The following ATF6 variants were observed in gnomAD, a reference collection of about 807,000 sequenced individuals.
ATF6 encodes the protein cyclic AMP-dependent transcription factor ATF-6 alpha.
A neutral mutation model predicts 83.6 loss-of-function variants in ATF6; 53 were observed. That is an observed-to-expected ratio of 0.63 (90% CI 0.51 to 0.80). The LOEUF is 0.80. Among genes scored for constraint, ATF6 ranks in the 30% least tolerant of loss-of-function variants. The pLI, the probability that ATF6 is intolerant of heterozygous loss-of-function variation, is 0.00. For synonymous variants in ATF6, 288 were observed against 285.8 expected (o/e 1.01, Z -0.08); for missense variants, 744 against 797.9 (o/e 0.93, Z 0.81).
intron 1 of ATF6, among the ~76,000 whole-genome samples, chr1:161,769,128 C>T (rs1684330696): frequency 6.6e-6 from 1 of 152,178 alleles, no homozygotes; most frequent in African/African-American, 2.4e-5. Context: ...TGCAACTACT[C>T]AAGTCTGCTG....
chr1:161,778,705 G>A (rs1684574787), intron 2 of ATF6, among the ~76,000 whole-genome samples: 1 of 152,092 alleles, frequency 6.6e-6, no homozygotes, highest in South Asian at 2.1e-4. Context: ...GGTAAGTTCT[G>A]CTTGACTAAG....
At chr1:161,909,286 T>G (rs1232203672) in intron 14 of ATF6, among the ~76,000 whole-genome samples, 1 of 152,182 alleles carries the variant, frequency 6.6e-6, no homozygotes. Context: ...CATATCTGCC[T>G]TCTAGCTAGC....
At chr1:161,789,157 T>G (rs1684820750) in intron 4 of ATF6, among the ~76,000 whole-genome samples, 1 of 151,926 alleles carries the variant, frequency 6.6e-6, no homozygotes, top group Admixed American at 6.6e-5. Context: ...AACAATCCAG[T>G]TACATACTTT....
chr1:161,952,049 G>A (rs141536667), intron 15 of ATF6, among the ~76,000 whole-genome samples: 1 of 152,130 alleles, frequency 6.6e-6, no homozygotes, highest in Non-Finnish European at 1.5e-5. Flanking sequence ...AGTTAAAAGT[G>A]CTCTCCCAAT....
chr1:161,815,681 A>G (rs2101776710), intron 7 of ATF6, among the ~76,000 whole-genome samples: 1 of 152,276 alleles, frequency 6.6e-6, no homozygotes, highest in East Asian at 1.9e-4. Context: ...TTAAATTAAA[A>G]CAAGCTGGGC....
intron 7 of ATF6, among the ~76,000 whole-genome samples, chr1:161,810,274 A>C (rs1253611444): frequency 6.6e-6 from 1 of 152,202 alleles, no homozygotes; most frequent in Non-Finnish European, 1.5e-5. Context: ...ACTTACAATC[A>C]TGACTGTGGG....
chr1:161,775,943 A>G (rs763962955), intron 1 of ATF6, among the ~76,000 whole-genome samples: 1 of 152,192 alleles, frequency 6.6e-6, no homozygotes, highest in African/African-American at 2.4e-5. Flanking sequence ...TATGCATAAT[A>G]CAAACATCTG....
intron 7 of ATF6, among the ~76,000 whole-genome samples, chr1:161,810,905 C>A (rs1030122911): frequency 6.6e-6 from 1 of 152,106 alleles, no homozygotes; most frequent in Non-Finnish European, 1.5e-5. Context: ...ATATTTTTTT[C>A]AAGCTTCAGC....
rs571108305 is a variant in ATF6 at position 161,864,061 on chromosome 1, C to T, written c.1719+749C>T. Among the ~76,000 whole-genome samples, 70 of 152,224 alleles carry T rather than the reference C, an allele frequency of 4.6e-4. 2 individuals are homozygous for T. In the South Asian group the frequency reaches 0.014, roughly 31 times the overall value. ...CCTCAGTGGTGGTTTCTATCCCAAG[C>T]TGTTTTTTCTTTCTTTCTCTCTGTT... On this transcript the variant is annotated intron_variant, in intron 14 of 15. Transcript: ENST00000367942.
At chr1:161,887,057 T>C (rs1202913517) in intron 14 of ATF6, among the ~76,000 whole-genome samples, 3 of 152,078 alleles carry the variant, frequency 2.0e-5, no homozygotes, top group Non-Finnish European at 4.4e-5. Flanking sequence ...CCTAACTACA[T>C]TGTAAAATGA....
intron 9 of ATF6, among the ~76,000 whole-genome samples, chr1:161,833,796 T>C (rs1457591964): frequency 6.6e-6 from 1 of 152,130 alleles, no homozygotes; most frequent in Admixed American, 6.5e-5. Context: ...CGCCTGAAAG[T>C]GATGGGGAGA....
rs1571221650 is a variant in ATF6 at position 161,896,250 on chromosome 1, G to T, written c.1720-16046G>T. On this transcript the variant is annotated intron_variant, in intron 14 of 15. Transcript: ENST00000367942. Reference sequence around the variant, plus strand: ...AGCCTGCCAAGTAGCTGGGACTACAGGTGTGTGCCACAACTTTTGTAATTT... The same window carrying T: ...AGCCTGCCAAGTAGCTGGGACTACATGTGTGTGCCACAACTTTTGTAATTT... Among the ~76,000 whole-genome samples the T allele has an allele frequency of 2.0e-5, 3 of 152,112 alleles. No individual in the cohort carries two copies. In the East Asian group the frequency reaches 5.8e-4, roughly 29 times the overall value.
intron 1 of ATF6, among the ~76,000 whole-genome samples, chr1:161,768,131 G>C (rs887736702): frequency 6.6e-6 from 1 of 152,152 alleles, no homozygotes. Context: ...CTGGGATTAC[G>C]GGTGTGAGCC....
rs747012902 is a variant in ATF6, at chr1:161,875,013, G to A, written c.1719+11701G>A. The stretch of plus-strand genomic sequence containing the variant: ...TAAATCAGTGGTTCTCAAACTTTTT[G>A]GTTTCCACATTCCTTTATGTTTTCA... On this transcript the variant is annotated intron_variant, in intron 14 of 15. Coordinates refer to ENST00000367942, the MANE Select transcript of ATF6 (RefSeq NM_007348.4). Among the ~76,000 whole-genome samples, 28 of 151,662 alleles carry A rather than the reference G, an allele frequency of 1.8e-4. 1 individual carries two copies. Among genetic ancestry groups the A allele is most frequent in the Non-Finnish European group, 3.7e-4 (25 of 67,656 alleles).
chr1:161,960,265 T>G lies in ATF6; in HGVS notation c.*1611T>G, dbSNP rs1010903738. The stretch of plus-strand genomic sequence containing the variant: ...GTCTTCCTCCCTCTCCTACAAAACT[T>G]TTCAATTTTTTGATGTAACTCATCT... On this transcript the variant is annotated 3_prime_UTR_variant, in exon 16 of 16. Coordinates refer to ENST00000367942, the MANE Select transcript of ATF6 (RefSeq NM_007348.4). 1.1e-4 allele frequency: 16 copies of G among 152,222 alleles called. No homozygotes were observed. Among genetic ancestry groups the G allele is most frequent in the African/African-American group, 3.6e-4 (15 of 41,446 alleles). The allele number at this position is 152,222 out of a possible 1,614,324, so 9.4% of individuals were successfully genotyped here. A position where few individuals can be genotyped will look rare whatever the true frequency, so the allele number is the denominator to read the frequency against.
chr1:161,946,829 C>T (rs765271013), intron 15 of ATF6, among the ~76,000 whole-genome samples: 26 of 152,166 alleles, frequency 1.7e-4, no homozygotes, highest in African/African-American at 4.8e-5. Context: ...AAAAACTTCT[C>T]GCCCCTGAAC....
At chr1:161,830,685 C>G (rs1192459302) in intron 9 of ATF6, among the ~76,000 whole-genome samples, 1 of 152,216 alleles carries the variant, frequency 6.6e-6, no homozygotes, top group Non-Finnish European at 1.5e-5. Context: ...CTGACAAAAC[C>G]AAGCAATGGG....
chr1:161,818,524 T>G (rs1685671916), intron 7 of ATF6, among the ~76,000 whole-genome samples: 1 of 152,134 alleles, frequency 6.6e-6, no homozygotes, highest in Non-Finnish European at 1.5e-5. Context: ...TTGAGAGCAT[T>G]AGAGTGTTCC....
At chr1:161,886,773 C>A (rs1198488637) in intron 14 of ATF6, among the ~76,000 whole-genome samples, 1 of 152,176 alleles carries the variant, frequency 6.6e-6, no homozygotes, top group Non-Finnish European at 1.5e-5. Flanking sequence ...CATAACTTAG[C>A]CAGTGTCACA....
Sources: allele counts gnomAD v4.1 joint callset (sites outside exome capture counted in the v4.1 genomes callset), GRCh38; gene constraint gnomAD v4.1.1; transcripts MANE v1.5; gene names NCBI Gene and HGNC (gene_info 2026-07-23, HGNC 2026-07-21).